VPS13C: variants seen among roughly 807,000 people sequenced by gnomAD.
VPS13C encodes the protein vacuolar protein sorting 13 homolog C.
VPS13C carries 358 observed loss-of-function variants against 456.8 expected under a neutral mutation model. The observed-to-expected ratio is 0.78, with a 90% CI of 0.72 to 0.86. The LOEUF is 0.86. Ranked by LOEUF, VPS13C falls within the 40% of genes least tolerant of loss-of-function variation. The pLI is 0.00. For missense variants in VPS13C, 4,818 were observed against 4,385.4 expected, an observed-to-expected ratio of 1.10 and a Z score of -2.79; for synonymous variants, 1,578 against 1,486.7, an observed-to-expected ratio of 1.06 and a Z score of -1.41.
intron 19 of VPS13C, 30 bp downstream of exon 19, chr15:61,984,827 A>G: frequency 3.1e-6 from 5 of 1,603,816 alleles, no homozygotes; most frequent in Non-Finnish European, 4.3e-6. Context: ...AACTAAAAGT[A>G]AAAATTGAAA....
Position 61,961,872 on chromosome 15 carries a change from T to C in VPS13C, c.3625A>G (p.Thr1209Ala). 1 of 1,611,298 alleles carries C rather than the reference T, an allele frequency of 6.2e-7. No homozygotes were observed. Among genetic ancestry groups the C allele is most frequent in the Non-Finnish European group, 8.5e-7 (1 of 1,178,852 alleles). ...GCAGCACTCAGAGACTCTTTGGCTG[T>C]CTGGAAATTATTCAGGAAGTTCTGT... ...SLLNFLNNFQ[T>A]AKESLSAATA... Residue 1209 changes from threonine to alanine, a missense_variant, in exon 35 of 85, where the codon ACA becomes GCA. Physicochemically the swap from Thr to Ala is moderately conservative, Grantham distance 58. Around this residue, in one of 3 missense-constraint regions of VPS13C, gnomAD observed 4,552 missense variants for 4,130.6 expected, o/e 1.10. Coordinates refer to ENST00000644861, the MANE Select transcript of VPS13C (RefSeq NM_020821.3).
At chr15:61,856,679 TTTC>T (rs1294540121) in intron 82 of VPS13C, 70 of 228,874 alleles carry the variant, frequency 3.1e-4, no homozygotes, top group African/African-American at 1.5e-3. Flanking sequence ...TTTTTTCTTT[TTTC>T]TTTTCTTTTT....
chr15:61,932,539 C>A (rs554645990), intron 49 of VPS13C, among the ~76,000 whole-genome samples: 36 of 150,414 alleles, frequency 2.4e-4, no homozygotes, highest in Middle Eastern at 3.4e-3. Flanking sequence ...AAAAAAAAAA[C>A]CCCAGCCAAT....
At chr15:61,910,667 A>G (rs899114760) in intron 63 of VPS13C, among the ~76,000 whole-genome samples, 1 of 152,166 alleles carries the variant, frequency 6.6e-6, no homozygotes, top group Non-Finnish European at 1.5e-5. Context: ...TTAATACATG[A>G]TGAATTCTTT....
At chr15:62,037,453 T>TAATATA (rs1398496618) in intron 3 of VPS13C, among the ~76,000 whole-genome samples, 5 of 128,460 alleles carry the variant, frequency 3.9e-5, no homozygotes, top group African/African-American at 1.5e-4. Context: ...TAAATAAATA[T>TAATATA]ATAAATATAA....
chr15:61,929,631 G>A lies in VPS13C; in HGVS notation c.6156C>T (p.Ala2052=), dbSNP rs1293982801. Reference sequence around the variant, plus strand: ...CCACAGTCATCAGAAATTCCACACTGGCACATACATACAGCTTGTCAAGAA... The same window carrying A: ...CCACAGTCATCAGAAATTCCACACTAGCACATACATACAGCTTGTCAAGAA... The part of the protein sequence containing the change: ...DAVLDKLYVC[A]SVEFLMTVAD... The change falls in exon 51 of 85, where the codon GCC becomes GCT. Residue 2052 remains alanine (A), a synonymous_variant. Coordinates refer to ENST00000644861, the MANE Select transcript of VPS13C (RefSeq NM_020821.3). 1 of 1,613,972 alleles carries A rather than the reference G, an allele frequency of 6.2e-7. No homozygotes were observed. The highest frequency in any genetic ancestry group is 1.1e-5 in the South Asian group (1 of 91,080).
rs1338638430 is a variant in VPS13C at position 62,060,272 on chromosome 15, T to C, written c.100+3A>G. 1 of 1,600,144 alleles carries C rather than the reference T, an allele frequency of 6.2e-7. No homozygotes were observed. Among genetic ancestry groups the C allele is most frequent in the Non-Finnish European group, 8.5e-7 (1 of 1,173,024 alleles). On this transcript the variant is annotated splice_donor_region_variant and intron_variant, in intron 1 of 84. Coordinates refer to ENST00000644861, the MANE Select transcript of VPS13C (RefSeq NM_020821.3). ...AGCCCACTGGCCGCGCCCTCTCGCT[T>C]ACCGCCCCAGATGCCCAGCTTCAGC...
At chr15:61,880,311 A>T (rs1333037057) in intron 73 of VPS13C, among the ~76,000 whole-genome samples, 2 of 152,120 alleles carry the variant, frequency 1.3e-5, no homozygotes, top group African/African-American at 4.8e-5. Context: ...ACAAAGTGCA[A>T]CCAAAACATT....
Position 61,922,380 on chromosome 15 carries a change from A to G in VPS13C, c.6975+17T>C. 6.3e-7 allele frequency: 1 copy of G among 1,596,836 alleles called. No individual in the cohort carries two copies. The highest frequency in any genetic ancestry group is 1.8e-5 in the Admixed American group (1 of 56,818). On this transcript the variant is annotated intron_variant, in intron 54 of 84. Coordinates refer to ENST00000644861, the MANE Select transcript of VPS13C (RefSeq NM_020821.3). Reference sequence around the variant, plus strand: ...CTTTCAAGAAGTCTCTGAAGGTATTAAGTGATGTGGCCATACCTGTAGTGT... The same window carrying G: ...CTTTCAAGAAGTCTCTGAAGGTATTGAGTGATGTGGCCATACCTGTAGTGT...
At chr15:61,954,654 T>C (rs758853162) in intron 37 of VPS13C, 100 bp from the exon 38 acceptor site, 36 of 1,244,192 alleles carry the variant, frequency 2.9e-5, no homozygotes, top group Non-Finnish European at 3.6e-5. Context: ...GTAGAGGCAA[T>C]GAAAATCCAC....
chr15:61,884,019 A>C, intron 68 of VPS13C, 109 bp downstream of exon 68: 2 of 982,778 alleles, frequency 2.0e-6, no homozygotes. Context: ...ATCTACCAAT[A>C]AATAAGTTCA....
rs886161994 is a variant in VPS13C at position 61,983,889 on chromosome 15, A to G, written c.1845T>C (p.Asn615=). ...TCTGGTCAGCAGGACTATCCTCCGGATTGGTTTCAAATTTAATTTTAAGCA... is the reference window on the plus strand; with the variant it reads ...TCTGGTCAGCAGGACTATCCTCCGGGTTGGTTTCAAATTTAATTTTAAGCA... ...SSLLKIKFET[N]PEDSPADQTL... Residue 615 remains asparagine (N), a synonymous_variant, in exon 20 of 85, where the codon AAT becomes AAC. Transcript: ENST00000644861. The G allele has an allele frequency of 6.2e-7, 1 of 1,614,104 alleles. No homozygotes were observed. Among genetic ancestry groups the G allele is most frequent in the African/African-American group, 1.3e-5 (1 of 75,036 alleles).
chr15:61,927,838 T>C (rs1229100656), intron 51 of VPS13C, among the ~76,000 whole-genome samples: 1 of 152,136 alleles, frequency 6.6e-6, no homozygotes, highest in Non-Finnish European at 1.5e-5. Context: ...ATGGCACATA[T>C]ACACCATGGA....
intron 42 of VPS13C, among the ~76,000 whole-genome samples, chr15:61,947,960 C>T (rs990059855): frequency 3.9e-5 from 6 of 152,128 alleles, no homozygotes; most frequent in African/African-American, 9.7e-5. Flanking sequence ...CCACTTTAGT[C>T]CAGATCCTGA....
intron 79 of VPS13C, among the ~76,000 whole-genome samples, chr15:61,869,862 G>C (rs1478163347): frequency 6.6e-6 from 1 of 152,074 alleles, no homozygotes; most frequent in East Asian, 1.9e-4. Context: ...CTGGGGGCGG[G>C]GCCAGCATTT....
chr15:61,913,444 A>G, intron 61 of VPS13C, 29 bp from the exon 62 acceptor site: 1 of 1,565,646 alleles, frequency 6.4e-7, no homozygotes, highest in Non-Finnish European at 8.8e-7. Context: ...ATCGTCATAT[A>G]AGAAATCTAA....
intron 45 of VPS13C, 123 bp downstream of exon 45, chr15:61,945,592 T>G: frequency 1.7e-6 from 1 of 605,770 alleles, no homozygotes; most frequent in South Asian, 4.6e-5. Flanking sequence ...ATTAACATTC[T>G]GTTCAGCACT....
Position 61,867,428 on chromosome 15 carries a change from T to C in VPS13C, c.10863+1231A>G. 24 of 986,368 alleles carry C rather than the reference T, an allele frequency of 2.4e-5. No individual in the cohort carries two copies. Among genetic ancestry groups the C allele is most frequent in the Non-Finnish European group, 2.9e-5 (24 of 830,650 alleles). 61.1% of individuals were successfully genotyped at this position (986,368 alleles called of 1,614,324 possible). A position where few individuals can be genotyped will look rare whatever the true frequency, so the allele number is the denominator to read the frequency against. The stretch of plus-strand genomic sequence containing the variant: ...AGGGCAGGCTCAGAGCAACTGACAA[T>C]TCAATTATTAAAGCAGATGCTCCAG... On this transcript the variant is annotated intron_variant, in intron 81 of 84. Transcript: ENST00000644861. The surrounding 1 kb of genome is among the most constrained non-coding windows in gnomAD (Gnocchi z 5.0).
At chr15:61,994,658 C>A (rs1462868077) in intron 16 of VPS13C, among the ~76,000 whole-genome samples, 2 of 151,310 alleles carry the variant, frequency 1.3e-5, no homozygotes, top group African/African-American at 2.4e-5. Context: ...GGCATGGTCT[C>A]GGCTCACTGC....
Sources: allele counts gnomAD v4.1 joint callset (sites outside exome capture counted in the v4.1 genomes callset), GRCh38; gene constraint gnomAD v4.1.1; regional missense constraint gnomAD v4.1.1; non-coding constraint Gnocchi (gnomAD v3.1); transcripts MANE v1.5; gene names NCBI Gene and HGNC (gene_info 2026-07-23, HGNC 2026-07-21).